The following ZNF831 variants were observed in gnomAD, a reference collection of about 807,000 sequenced individuals.
The protein encoded by ZNF831 is zinc finger protein 831.
A neutral mutation model predicts 95.8 loss-of-function variants in ZNF831; 59 were observed. The ratio of observed to expected loss-of-function variants is 0.62; its 90% CI spans 0.50 to 0.77. ZNF831 has a LOEUF of 0.77. Ranked by LOEUF, ZNF831 falls within the 30% of genes least tolerant of loss-of-function variation. ZNF831 has a pLI of 0.00. For synonymous variants in ZNF831, 961 were observed against 925.5 expected (o/e 1.04, Z -0.70); for missense variants, 2,205 against 2,164.0 (o/e 1.02, Z -0.38).
rs756594900 is a variant in ZNF831 at position 59,191,808 on chromosome 20, C to G, written c.789C>G (p.Thr263=). 1.9e-6 allele frequency: 3 copies of G among 1,613,330 alleles called. No individual in the cohort carries two copies. The highest frequency in any genetic ancestry group is 2.5e-6 in the Non-Finnish European group (3 of 1,179,938). ...TTGCCAAGAACCTGGATGTGAGGAC[C>G]GAAGCTGCTCCCTGTCCAGGGTCCG... ...PLLAKNLDVR[T]EAAPCPGSAF... Residue 263 remains threonine (T), a synonymous_variant, in exon 2 of 6, where the codon ACC becomes ACG. Transcript: ENST00000371030.
At chr20:59,167,349 A>G (rs182459863) in intron 1 of ZNF831, among the ~76,000 whole-genome samples, 34 of 149,848 alleles carry the variant, frequency 2.3e-4, no homozygotes, top group African/African-American at 8.1e-4. Context: ...CCCTTGTCAG[A>G]TATGTTGTTT....
Position 59,193,179 on chromosome 20 carries a change from T to C in ZNF831, c.2160T>C (p.Ser720=), listed in dbSNP as rs749634280. The C allele has an allele frequency of 5.7e-6, 9 of 1,576,168 alleles. No individual in the cohort carries two copies. The highest frequency in any genetic ancestry group is 7.8e-6 in the Non-Finnish European group (9 of 1,160,502). The change falls in exon 2 of 6, where the codon AGT becomes AGC. Residue 720 remains serine (S), a synonymous_variant. Transcript: ENST00000371030. ...HGETVARRGD[S]DRPRVEEAVS... ...AGACGGTGGCCAGGAGAGGAGACAG[T>C]GACCGACCCAGGGTGGAAGAGGCTG...
intron 4 of ZNF831, among the ~76,000 whole-genome samples, chr20:59,244,785 C>T (rs780437326): frequency 9.9e-5 from 15 of 152,120 alleles, no homozygotes; most frequent in Non-Finnish European, 2.2e-4. Flanking sequence ...AACTCTAGGC[C>T]GATACGTATA....
rs370433219 is a variant in ZNF831, at chr20:59,209,458, T to G, written c.4027+2402T>G. Among the ~76,000 whole-genome samples, 7 of 152,250 alleles carry G rather than the reference T, an allele frequency of 4.6e-5. No individual in the cohort carries two copies. In the East Asian group the frequency reaches 1.4e-3, roughly 29 times the overall value. ...GAGAACAGACAGAGACTTTCTGGAC[T>G]GGGGATTGAGTGGATAAAGTCTCAG... On this transcript the variant is annotated intron_variant, in intron 4 of 5. Transcript: ENST00000371030.
chr20:59,193,948 G>T lies in ZNF831; in HGVS notation c.2929G>T (p.Ala977Ser), dbSNP rs199744168. Residue 977 changes from alanine (A) to serine (S), a missense_variant, in exon 2 of 6, where the codon GCA (alanine) becomes TCA (serine). Physicochemically the swap from Ala to Ser is moderately conservative, Grantham distance 99. Coordinates refer to ENST00000371030, the MANE Select transcript of ZNF831 (RefSeq NM_178457.3). ...LCSSGWPEER[A>S]SFVGSGLGTP... Reference sequence around the variant, plus strand: ...CAGCAGTGGGTGGCCTGAAGAACGGGCATCATTTGTTGGGTCAGGACTGGG... The same window carrying T: ...CAGCAGTGGGTGGCCTGAAGAACGGTCATCATTTGTTGGGTCAGGACTGGG... 268 of 1,581,632 alleles carry T rather than the reference G, an allele frequency of 1.7e-4. No individual in the cohort carries two copies. The highest frequency in any genetic ancestry group is 2.1e-4 in the Non-Finnish European group (246 of 1,164,090).
At chr20:59,139,910 C>A (rs1252929470) in intron 1 of ZNF831, among the ~76,000 whole-genome samples, 1 of 152,160 alleles carries the variant, frequency 6.6e-6, no homozygotes, top group Admixed American at 6.5e-5. Flanking sequence ...GAATTGGACT[C>A]AGTGTAAAGT....
At chr20:59,210,141 G>A (rs1401389453) in intron 4 of ZNF831, among the ~76,000 whole-genome samples, 1 of 152,180 alleles carries the variant, frequency 6.6e-6, no homozygotes, top group Non-Finnish European at 1.5e-5. Flanking sequence ...GACACTCAGT[G>A]CACAATAATG....
chr20:59,161,814 T>C (rs1980889014), upstream of ZNF831, among the ~76,000 whole-genome samples: 1 of 152,238 alleles, frequency 6.6e-6, no homozygotes, highest in South Asian at 2.1e-4. Context: ...TAGTTCTACT[T>C]TTAGTCCTTT....
At chr20:59,178,416 T>C (rs1982339482) in intron 1 of ZNF831, among the ~76,000 whole-genome samples, 1 of 152,236 alleles carries the variant, frequency 6.6e-6, no homozygotes, top group Non-Finnish European at 1.5e-5. Context: ...TTTTCTCAAA[T>C]GTGATAATTT....
At chr20:59,212,125 G>T (rs1395303978) in intron 4 of ZNF831, among the ~76,000 whole-genome samples, 1 of 152,160 alleles carries the variant, frequency 6.6e-6, no homozygotes, top group Non-Finnish European at 1.5e-5. Flanking sequence ...TGATAATTTT[G>T]TCTTCTTTAT....
chr20:59,132,014 TA>T (rs1422371198), intron 1 of ZNF831, among the ~76,000 whole-genome samples: 1 of 152,236 alleles, frequency 6.6e-6, no homozygotes, highest in Non-Finnish European at 1.5e-5. Flanking sequence ...TCTCTCCACA[TA>T]GGGGTAACAT....
In ZNF831 at chr20:59,253,031, T is replaced by C; in HGVS notation, c.4081T>C (p.Cys1361Arg). 1 of 1,614,070 alleles carries C rather than the reference T, an allele frequency of 6.2e-7. No individual in the cohort carries two copies. Among genetic ancestry groups the C allele is most frequent in the Non-Finnish European group, 8.5e-7 (1 of 1,179,980 alleles). The change falls in exon 5 of 6, where the codon TGT (cysteine) becomes CGT (arginine). Residue 1361 changes from cysteine (C) to arginine (R), a missense_variant. Transcript: ENST00000371030. ...SCATSESPPC[C>R]GKEEKKEGDC... is the part of the protein sequence containing the mutation. ...TGCCACCTCAGAATCACCTCCTTGT[T>C]GTGGGAAGGAAGAGAAGAAGGAAGG... is the stretch of plus-strand genomic sequence containing the variant.
At chr20:59,235,013 A>AT in intron 4 of ZNF831, among the ~76,000 whole-genome samples, 1 of 151,902 alleles carries the variant, frequency 6.6e-6, no homozygotes, top group Non-Finnish European at 1.5e-5. Context: ...CCCGCATGAC[A>AT]TTTTGTCATC....
rs573679112 is a variant in ZNF831, at chr20:59,254,386, G to A, written c.4677G>A (p.Leu1559=). The change falls in exon 6 of 6, where the codon CTG becomes CTA. Residue 1559 remains leucine, a synonymous_variant. Coordinates refer to ENST00000371030, the MANE Select transcript of ZNF831 (RefSeq NM_178457.3). This position sits in a 1 kb window ranked among gnomAD's most constrained non-coding sequence, Gnocchi z 4.5. ...SGQRISDSVP[L]ESTEKTHLEI... Reference sequence around the variant, plus strand: ...AAAGAATTTCAGATTCGGTTCCACTGGAGTCAACTGAAAAAACTCATCTTG... The same window carrying A: ...AAAGAATTTCAGATTCGGTTCCACTAGAGTCAACTGAAAAAACTCATCTTG... The A allele has an allele frequency of 5.1e-5, 83 of 1,614,100 alleles. 1 individual carries two copies. In the South Asian group the frequency reaches 8.0e-4, roughly 16 times the overall value.
chr20:59,191,517 C>T lies in ZNF831; in HGVS notation c.498C>T (p.His166=), dbSNP rs759605825. Residue 166 remains histidine (H), a synonymous_variant, in exon 2 of 6, where the codon CAC becomes CAT. Coordinates refer to ENST00000371030, the MANE Select transcript of ZNF831 (RefSeq NM_178457.3). ...TTCTAGAGAAGCACATCCGGTCCCA[C>T]ACGGGTGAGAGGCCCTTCCCGTGTG... ...PSVLEKHIRS[H]TGERPFPCAT... 2 of 1,613,164 alleles carry T rather than the reference C, an allele frequency of 1.2e-6. No individual in the cohort carries two copies. The highest frequency in any genetic ancestry group is 1.7e-6 in the Non-Finnish European group (2 of 1,180,014).
chr20:59,129,208 G>A (rs1192338709), intron 1 of ZNF831, among the ~76,000 whole-genome samples: 1 of 152,144 alleles, frequency 6.6e-6, no homozygotes, highest in Non-Finnish European at 1.5e-5. Context: ...ATGCATTTGT[G>A]TGTGTGTATG....
upstream of ZNF831, among the ~76,000 whole-genome samples, chr20:59,161,485 G>A (rs1980861723): frequency 6.6e-6 from 1 of 152,114 alleles, no homozygotes; most frequent in Non-Finnish European, 1.5e-5. Flanking sequence ...CACCATGTTG[G>A]CCAGGCTAGT....
chr20:59,212,163 T>G (rs1315906594), intron 4 of ZNF831, among the ~76,000 whole-genome samples: 2 of 152,158 alleles, frequency 1.3e-5, no homozygotes. Flanking sequence ...TGTCAATAAC[T>G]TGGGAGGATG....
chr20:59,191,833 G>T lies in ZNF831; in HGVS notation c.814G>T (p.Ala272Ser), dbSNP rs2146554724. ...RTEAAPCPGSAFADREAPWDS... is the reference protein window; with the variant it reads ...RTEAAPCPGSSFADREAPWDS... ...CGAAGCTGCTCCCTGTCCAGGGTCCGCATTTGCCGACAGAGAGGCTCCTTG... is the reference window on the plus strand; with the variant it reads ...CGAAGCTGCTCCCTGTCCAGGGTCCTCATTTGCCGACAGAGAGGCTCCTTG... Residue 272 changes from alanine (A) to serine (S), a missense_variant, in exon 2 of 6, where the codon GCA becomes TCA. Ala to Ser is a moderately conservative substitution (Grantham distance 99). Transcript: ENST00000371030. 1 of 1,613,446 alleles carries T rather than the reference G, an allele frequency of 6.2e-7. No homozygotes were observed. Among genetic ancestry groups the T allele is most frequent in the South Asian group, 1.1e-5 (1 of 91,090 alleles).
Sources: gnomAD v4.1 joint callset for allele counts (sites outside exome capture counted in the v4.1 genomes callset) on GRCh38, gnomAD v4.1.1 for gene constraint, Gnocchi (gnomAD v3.1) non-coding constraint, MANE v1.5 for transcripts, NCBI Gene and HGNC (gene_info 2026-07-23, HGNC 2026-07-21) for gene names.